Variants in GALNT14 observed in about 807,000 individuals in gnomAD.
The protein encoded by GALNT14 is polypeptide N-acetylgalactosaminyltransferase 14, also known as UDP-GalNAc:polypeptide N-acetylgalactosaminyltransferase 14.
In GALNT14, 60 loss-of-function variants were observed where a neutral mutation model predicts 77.5. The observed-to-expected ratio is 0.77, with a 90% CI of 0.63 to 0.96. GALNT14 has a LOEUF of 0.96. Among genes scored for constraint, GALNT14 ranks in the 40% least tolerant of loss-of-function variants. The pLI, the probability that GALNT14 is intolerant of heterozygous loss-of-function variation, is 0.00. For missense variants in GALNT14, 710 were observed against 731.0 expected, an observed-to-expected ratio of 0.97 and a Z score of 0.33; for synonymous variants, 280 against 281.7, an observed-to-expected ratio of 0.99 and a Z score of 0.06.
chr2:31,078,923 T>C (rs1376855800), intron 1 of GALNT14: 1 of 1,289,122 alleles, frequency 7.8e-7, no homozygotes, highest in East Asian at 5.6e-5. Context: ...ACAAATTCAG[T>C]TCTGACTCAC....
rs1666592681 is a variant in GALNT14 at position 30,944,871 on chromosome 2, T to C, written c.814A>G (p.Thr272Ala). The C allele has an allele frequency of 1.2e-6, 2 of 1,608,302 alleles. No individual in the cohort carries two copies. Among genetic ancestry groups the C allele is most frequent in the East Asian group, 4.5e-5 (2 of 44,798 alleles). Reference sequence around the variant, plus strand: ...CTTCCCACTTACCTGATGGGCTCCGTGGGGTCCAGGCGCCGAGCCTTCTGC... The same window carrying C: ...CTTCCCACTTACCTGATGGGCTCCGCGGGGTCCAGGCGCCGAGCCTTCTGC... ...PEQKARRLDP[T>A]EPIRTPIIAG... The change falls in exon 8 of 15, where the codon ACG becomes GCG. Residue 272 changes from threonine to alanine, a missense_variant. Physicochemically the swap from Thr to Ala is moderately conservative, Grantham distance 58. Transcript: ENST00000349752.
chr2:30,926,260 A>G (rs1253921861), intron 11 of GALNT14, among the ~76,000 whole-genome samples: 1 of 152,142 alleles, frequency 6.6e-6, no homozygotes, highest in Non-Finnish European at 1.5e-5. Context: ...TTTGGATGGG[A>G]AAGAGAAGGG....
Position 30,915,607 on chromosome 2 carries a change from G to T in GALNT14, c.1381-3265C>A, listed in dbSNP as rs141267190. On this transcript the variant is annotated intron_variant, in intron 13 of 14. Transcript: ENST00000349752. ...GCCATGATGAATGAGTTTATTAAAA[G>T]AATCCTGCAGTCAGAAACAGACTCC... Among the ~76,000 whole-genome samples the T allele has an allele frequency of 1.1e-3, 174 of 152,320 alleles. 1 individual carries two copies. Among genetic ancestry groups the T allele is most frequent in the African/African-American group, 3.6e-3 (151 of 41,562 alleles).
chr2:31,039,251 T>G (rs920562395), intron 1 of GALNT14, among the ~76,000 whole-genome samples: 1 of 152,228 alleles, frequency 6.6e-6, no homozygotes, highest in East Asian at 1.9e-4. Context: ...TTGCCAAGAT[T>G]CCTTTCATGC....
At chr2:31,124,084 C>G (rs951582784) in intron 1 of GALNT14, among the ~76,000 whole-genome samples, 3 of 152,142 alleles carry the variant, frequency 2.0e-5, no homozygotes, top group Non-Finnish European at 4.4e-5. Flanking sequence ...ACAGCAGCAC[C>G]CCATATGGGT....
At chr2:30,942,944 A>C (rs565225297) in intron 8 of GALNT14, among the ~76,000 whole-genome samples, 2 of 152,214 alleles carry the variant, frequency 1.3e-5, no homozygotes, top group East Asian at 3.9e-4. Context: ...AATGAGCCCA[A>C]TATGACTGGT....
intron 7 of GALNT14, 109 bp from the exon 8 acceptor site, chr2:30,945,051 C>T (rs1051816202): frequency 2.7e-5 from 24 of 904,876 alleles, no homozygotes; most frequent in East Asian, 2.7e-5. Flanking sequence ...AGGTAGGTCT[C>T]AAAGAGGCCG....
At chr2:30,953,391 C>G (rs1339564197) in intron 6 of GALNT14, among the ~76,000 whole-genome samples, 5 of 150,988 alleles carry the variant, frequency 3.3e-5, no homozygotes, top group Non-Finnish European at 5.9e-5. Flanking sequence ...TCACTGCAAC[C>G]ACTGCCTCCC....
At chr2:31,024,957 T>C (rs1671949856) in intron 1 of GALNT14, among the ~76,000 whole-genome samples, 2 of 152,332 alleles carry the variant, frequency 1.3e-5, no homozygotes, top group South Asian at 2.1e-4. Flanking sequence ...ATACCTGATA[T>C]GTGGCTCCAC....
the GALNT14 span, among the ~76,000 whole-genome samples, chr2:30,894,115 C>T: frequency 6.6e-6 from 1 of 152,128 alleles, no homozygotes; most frequent in Non-Finnish European, 1.5e-5. Flanking sequence ...TGCCTGCCCC[C>T]TTACTTGCTG....
At chr2:31,073,229 T>C (rs1199708328) in intron 1 of GALNT14, 1 of 152,208 alleles carries the variant, frequency 6.6e-6, no homozygotes, top group African/African-American at 2.4e-5. Flanking sequence ...TTGTGAGGTT[T>C]AGATAATAGA....
chr2:31,010,866 C>T (rs1670985100), intron 1 of GALNT14, among the ~76,000 whole-genome samples: 1 of 152,232 alleles, frequency 6.6e-6, no homozygotes, highest in African/African-American at 2.4e-5. Context: ...TACTCTCAAT[C>T]TGATCAACTG....
intron 8 of GALNT14, 125 bp from the exon 9 acceptor site, chr2:30,942,429 G>A: frequency 1.5e-6 from 1 of 661,796 alleles, no homozygotes; most frequent in Non-Finnish European, 2.6e-6. Flanking sequence ...ATTGAGGGAA[G>A]AAAACTCTCA....
At chr2:31,061,637 A>G (rs918111369) in intron 1 of GALNT14, among the ~76,000 whole-genome samples, 2 of 152,108 alleles carry the variant, frequency 1.3e-5, no homozygotes, top group Admixed American at 1.3e-4. Context: ...CTCTCTGACC[A>G]CTATCACCTC....
chr2:31,026,542 C>A (rs1256737405), intron 1 of GALNT14, among the ~76,000 whole-genome samples: 1 of 152,154 alleles, frequency 6.6e-6, no homozygotes, highest in Non-Finnish European at 1.5e-5. Flanking sequence ...GCCAAGTCAC[C>A]CTGGCAGCCA....
In GALNT14 at chr2:30,924,786, A is replaced by G. The variant is rs1445681697; in HGVS notation, c.1189T>C (p.Cys397Arg). 1.9e-6 allele frequency: 3 copies of G among 1,614,132 alleles called. No homozygotes were observed. Among genetic ancestry groups the G allele is most frequent in the Non-Finnish European group, 2.5e-6 (3 of 1,180,022 alleles). ...SRLDLRKNLR[C>R]QSFKWYLENI... is the part of the protein sequence containing the mutation. ...TCCAGGTACCACTTGAAGCTCTGGC[A>G]GCGCAGATTCTTCCTCAGGTCCAAT... The change falls in exon 12 of 15, where the codon TGC becomes CGC. Residue 397 changes from cysteine to arginine, a missense_variant. Physicochemically the swap from Cys to Arg is radical, Grantham distance 180. Coordinates refer to ENST00000349752, the MANE Select transcript of GALNT14 (RefSeq NM_024572.4).
At chr2:31,015,003 A>G (rs1048068847) in intron 1 of GALNT14, among the ~76,000 whole-genome samples, 2 of 152,134 alleles carry the variant, frequency 1.3e-5, no homozygotes, top group African/African-American at 4.8e-5. Flanking sequence ...AAGAGGCAGG[A>G]GCTTGGCCGG....
At chr2:30,942,958 C>T (rs1666470333) in intron 8 of GALNT14, among the ~76,000 whole-genome samples, 1 of 151,970 alleles carries the variant, frequency 6.6e-6, no homozygotes, top group African/African-American at 2.4e-5. Flanking sequence ...GACTGGTGTC[C>T]TTATAAAAAG....
chr2:31,096,316 T>C (rs575726579), intron 1 of GALNT14, among the ~76,000 whole-genome samples: 19 of 152,316 alleles, frequency 1.2e-4, no homozygotes, highest in Non-Finnish European at 2.6e-4. Flanking sequence ...TGTGCACAAC[T>C]TTGGGGGCAC....
Sources: gnomAD v4.1 joint callset for allele counts (sites outside exome capture counted in the v4.1 genomes callset) on GRCh38, gnomAD v4.1.1 for gene constraint, MANE v1.5 for transcripts, NCBI Gene and HGNC (gene_info 2026-07-23, HGNC 2026-07-21) for gene names.